The following NPAS3 variants were observed in gnomAD, a reference collection of about 807,000 sequenced individuals.
NPAS3 encodes the protein neuronal PAS domain protein 3, also known as neuronal PAS domain-containing protein 3.
In NPAS3, 14 loss-of-function variants were observed where a neutral mutation model predicts 73.1. The ratio of observed to expected loss-of-function variants is 0.19; its 90% CI spans 0.13 to 0.30. The LOEUF is 0.30. Ranked by LOEUF, NPAS3 falls within the 10% of genes least tolerant of loss-of-function variation. The pLI is 1.00. For missense variants in NPAS3, 1,096 were observed against 1,250.0 expected, an observed-to-expected ratio of 0.88 and a Z score of 1.86; for synonymous variants, 620 against 541.5, an observed-to-expected ratio of 1.14 and a Z score of -2.01.
chr14:33,239,863 G>GTT (rs33957230), intron 3 of NPAS3, among the ~76,000 whole-genome samples: 13 of 151,048 alleles, frequency 8.6e-5, no homozygotes, highest in African/African-American at 9.7e-5. Context: ...ATTAGAAATA[G>GTT]TTTTTTTTTC....
chr14:33,288,517 C>T (rs1322752036), intron 3 of NPAS3, among the ~76,000 whole-genome samples: 1 of 152,006 alleles, frequency 6.6e-6, no homozygotes, highest in Non-Finnish European at 1.5e-5. Context: ...TATACAACCA[C>T]ATGCATTGAT....
chr14:33,417,597 C>T (rs990202231), intron 4 of NPAS3, among the ~76,000 whole-genome samples: 2 of 151,998 alleles, frequency 1.3e-5, no homozygotes, highest in African/African-American at 2.4e-5. Context: ...AATAAATGCA[C>T]CAAATCTCTT....
At chr14:33,196,613 T>C (rs1289829949) in intron 2 of NPAS3, among the ~76,000 whole-genome samples, 1 of 152,206 alleles carries the variant, frequency 6.6e-6, no homozygotes, top group Non-Finnish European at 1.5e-5. Flanking sequence ...GGACACACAA[T>C]AGCTGTTGAG....
chr14:33,405,586 C>T (rs1389169261), intron 4 of NPAS3, among the ~76,000 whole-genome samples: 1 of 152,020 alleles, frequency 6.6e-6, no homozygotes, highest in African/African-American at 2.4e-5. Context: ...TTTACTAACT[C>T]CAGCTTCTTA....
intron 2 of NPAS3, among the ~76,000 whole-genome samples, chr14:33,191,161 C>G (rs1028194123): frequency 5.3e-5 from 8 of 152,138 alleles, no homozygotes; most frequent in African/African-American, 1.7e-4. Flanking sequence ...AATGTGTGCT[C>G]TTACTGTGTC....
intron 5 of NPAS3, chr14:33,585,907 T>G (rs2056841577): frequency 6.6e-6 from 1 of 152,124 alleles, no homozygotes; most frequent in Non-Finnish European, 1.5e-5. Context: ...GACTTTGATG[T>G]TTTATGCCTT....
At chr14:32,946,955 A>T (rs1368426508) in intron 1 of NPAS3, among the ~76,000 whole-genome samples, 3 of 152,312 alleles carry the variant, frequency 2.0e-5, no homozygotes, top group Admixed American at 6.5e-5. Flanking sequence ...GCTAATGCAG[A>T]ATTAAAGGGC....
chr14:33,443,755 T>G (rs949228091), intron 4 of NPAS3, among the ~76,000 whole-genome samples: 2 of 152,166 alleles, frequency 1.3e-5, no homozygotes, highest in Non-Finnish European at 2.9e-5. Context: ...AATGGTCCAT[T>G]TACAGGAAGT....
chr14:33,772,070 C>A (rs1043981207), intron 7 of NPAS3, among the ~76,000 whole-genome samples: 7 of 152,126 alleles, frequency 4.6e-5, no homozygotes, highest in Non-Finnish European at 8.8e-5. Context: ...TTTTATGATC[C>A]TTTAAAATAG....
chr14:33,259,064 C>T (rs980992984), intron 3 of NPAS3, among the ~76,000 whole-genome samples: 6 of 152,202 alleles, frequency 3.9e-5, no homozygotes, highest in Admixed American at 6.5e-5. Flanking sequence ...CCGCCCTCCT[C>T]GGCCTTCCAA....
intron 4 of NPAS3, among the ~76,000 whole-genome samples, chr14:33,513,188 T>C (rs2053140367): frequency 6.6e-6 from 1 of 152,060 alleles, no homozygotes; most frequent in East Asian, 1.9e-4. Flanking sequence ...TTTTGTCATG[T>C]GGTTTAACAT....
intron 3 of NPAS3, among the ~76,000 whole-genome samples, chr14:33,236,501 A>G (rs186532413): frequency 8.1e-4 from 124 of 152,288 alleles, no homozygotes; most frequent in Non-Finnish European, 2.2e-4. Context: ...ATTTGTAGAA[A>G]CAAGACTTAC....
intron 4 of NPAS3, among the ~76,000 whole-genome samples, chr14:33,479,457 A>T (rs187769959): frequency 2.0e-5 from 3 of 152,272 alleles, no homozygotes; most frequent in Non-Finnish European, 2.9e-5. Flanking sequence ...CCCTTCACCC[A>T]CTTGTCACTC....
chr14:33,764,769 T>C (rs2062407746), intron 7 of NPAS3, among the ~76,000 whole-genome samples: 1 of 152,248 alleles, frequency 6.6e-6, no homozygotes, highest in African/African-American at 2.4e-5. Flanking sequence ...CCCTCCACAG[T>C]AGTACAATGG....
chr14:33,171,432 C>T (rs533598868), intron 2 of NPAS3, among the ~76,000 whole-genome samples: 2 of 152,260 alleles, frequency 1.3e-5, no homozygotes, highest in East Asian at 3.9e-4. Flanking sequence ...CAGCCTGTCC[C>T]ACAGCTTCTC....
intron 2 of NPAS3, among the ~76,000 whole-genome samples, chr14:33,175,094 A>C (rs1052898940): frequency 6.6e-6 from 1 of 152,188 alleles, no homozygotes; most frequent in Non-Finnish European, 1.5e-5. Flanking sequence ...ACTTACGCAA[A>C]GATTTTTTTA....
intron 4 of NPAS3, among the ~76,000 whole-genome samples, chr14:33,506,664 C>T (rs1263644444): frequency 6.6e-6 from 1 of 151,894 alleles, no homozygotes; most frequent in African/African-American, 2.4e-5. Context: ...TGGTAGACAG[C>T]CAGAAGCCAT....
intron 1 of NPAS3, among the ~76,000 whole-genome samples, chr14:33,024,142 A>ATGTGTGTGTGTGTGTG (rs5807700): frequency 2.1e-5 from 3 of 143,256 alleles, no homozygotes; most frequent in African/African-American, 8.2e-5. Context: ...GTGTGTGTAT[A>ATGTGTGTGTGTGTGTG]TGTGTGTGTG....
intron 1 of NPAS3, among the ~76,000 whole-genome samples, chr14:32,950,123 A>G (rs2036424224): frequency 6.6e-6 from 1 of 152,106 alleles, no homozygotes. Flanking sequence ...GTTGAAATAT[A>G]TGCAAAAATA....
Sources: gnomAD v4.1 joint callset for allele counts (sites outside exome capture counted in the v4.1 genomes callset) on GRCh38, gnomAD v4.1.1 for gene constraint, MANE v1.5 for transcripts, NCBI Gene and HGNC (gene_info 2026-07-23, HGNC 2026-07-21) for gene names.